Variants in FNBP1L observed in about 807,000 individuals in gnomAD.
FNBP1L encodes the protein formin-binding protein 1-like.
Under a neutral mutation model 91.2 loss-of-function variants are expected in FNBP1L, and 36 were observed. The ratio of observed to expected loss-of-function variants is 0.39; its 90% confidence interval spans 0.30 to 0.52. The LOEUF (loss-of-function observed/expected upper bound fraction) is 0.52, where lower values mean the gene tolerates loss of function less well. Ranked by LOEUF, FNBP1L falls within the 20% of genes least tolerant of loss-of-function variation. The pLI, the probability that FNBP1L is intolerant of heterozygous loss-of-function variation, is 0.66. For synonymous variants in FNBP1L, 242 were observed against 237.0 expected (o/e 1.02, Z -0.19); for missense variants, 571 against 732.1 (o/e 0.78, Z 2.54).
chr1:93,494,596 G>A (rs1361293421), intron 1 of FNBP1L, among the ~76,000 whole-genome samples: 1 of 152,144 alleles, frequency 6.6e-6, no homozygotes, highest in Admixed American at 6.5e-5. Context: ...TTGAAAGGGG[G>A]TTATTATGAA....
chr1:93,451,647 A>G (rs1668498334), intron 1 of FNBP1L, among the ~76,000 whole-genome samples: 1 of 152,034 alleles, frequency 6.6e-6, no homozygotes, highest in Non-Finnish European at 1.5e-5. Context: ...TTTTCATCAT[A>G]TTATTTATAT....
At chr1:93,529,912 C>T (rs996391361) in intron 6 of FNBP1L, among the ~76,000 whole-genome samples, 156 bp downstream of exon 6, 15 of 152,012 alleles carry the variant, frequency 9.9e-5, no homozygotes, top group East Asian at 3.8e-4. Context: ...TTAAATTATA[C>T]GTATTGGTCT....
intron 2 of FNBP1L, among the ~76,000 whole-genome samples, chr1:93,511,290 G>A (rs1670831060): frequency 6.6e-6 from 1 of 152,134 alleles, no homozygotes; most frequent in African/African-American, 2.4e-5. Flanking sequence ...AAGAGAGTGG[G>A]GGACAATATT....
At chr1:93,531,892 A>G (rs952937137) in intron 7 of FNBP1L, among the ~76,000 whole-genome samples, 4 of 152,156 alleles carry the variant, frequency 2.6e-5, no homozygotes, top group African/African-American at 9.7e-5. Context: ...ATGAAACAGC[A>G]AGGTCAGTGC....
intron 1 of FNBP1L, among the ~76,000 whole-genome samples, chr1:93,451,907 C>G (rs1244907777): frequency 3.3e-5 from 5 of 152,200 alleles, no homozygotes; most frequent in Non-Finnish European, 7.3e-5. Flanking sequence ...GCCTCGGCCT[C>G]TCAAAGTGCT....
chr1:93,449,804 T>C (rs1668424817), intron 1 of FNBP1L, among the ~76,000 whole-genome samples: 1 of 152,230 alleles, frequency 6.6e-6, no homozygotes, highest in Non-Finnish European at 1.5e-5. Flanking sequence ...TCAGGCATTA[T>C]TGGCCTTTTT....
Position 93,497,969 on chromosome 1 carries a change from T to TAA in FNBP1L, c.25-1489_25-1488dup, listed in dbSNP as rs34548312. ...AAAGGCTTTTGTTTGTCAAATATGT[T>TAA]AAAAAAAAAAACTGTTTAAAAATAA... On this transcript the variant is annotated intron_variant, in intron 1 of 16. Transcript: ENST00000271234. 1.3e-3 allele frequency among the ~76,000 whole-genome samples: 188 copies of TAA among 149,318 alleles called. 1 individual carries two copies. The highest frequency in any genetic ancestry group is 7.8e-3 in the South Asian group (37 of 4,758).
At chr1:93,475,257 A>G (rs774454712) in intron 1 of FNBP1L, among the ~76,000 whole-genome samples, 3 of 152,064 alleles carry the variant, frequency 2.0e-5, no homozygotes, top group Non-Finnish European at 2.9e-5. Flanking sequence ...AAAAAATTTT[A>G]TTATTTAAAA....
At chr1:93,470,077 T>C (rs1232157444) in intron 1 of FNBP1L, among the ~76,000 whole-genome samples, 1 of 152,224 alleles carries the variant, frequency 6.6e-6, no homozygotes, top group Non-Finnish European at 1.5e-5. Context: ...TGTTTGGTTT[T>C]GGCATTAATT....
chr1:93,549,500 T>C, intron 15 of FNBP1L, 74 bp downstream of exon 15: 1 of 1,137,132 alleles, frequency 8.8e-7, no homozygotes, highest in Non-Finnish European at 1.2e-6. Context: ...TCACTCACTG[T>C]AGTATCCTTA....
intron 1 of FNBP1L, among the ~76,000 whole-genome samples, chr1:93,449,035 T>C (rs1198013644): frequency 6.6e-6 from 1 of 152,240 alleles, no homozygotes; most frequent in Non-Finnish European, 1.5e-5. Flanking sequence ...ATGAGGAAGC[T>C]AATTTTACCA....
At chr1:93,497,250 G>C (rs1451683865) in intron 1 of FNBP1L, among the ~76,000 whole-genome samples, 6 of 152,260 alleles carry the variant, frequency 3.9e-5, no homozygotes, top group Middle Eastern at 3.4e-3. Flanking sequence ...GCGTGAGCCA[G>C]TGCACCTGGC....
At chr1:93,525,289 TACTTCC>T (rs988163448) in intron 5 of FNBP1L, among the ~76,000 whole-genome samples, 10 of 152,108 alleles carry the variant, frequency 6.6e-5, no homozygotes, top group Non-Finnish European at 1.3e-4. Context: ...CTCATGTATA[TACTTCC>T]ATTGCTTTCA....
rs1672331298 is a variant in FNBP1L, at chr1:93,549,294, A to G, written c.1519A>G (p.Thr507Ala). Residue 507 changes from threonine to alanine, a missense_variant, in exon 15 of 17, where the codon ACT becomes GCT. Transcript: ENST00000271234. ...GTTTTATAGTCCTGAGGGAAGTTAC[A>G]CTGATGATGCAAACCAGGAAGTCCG... Reference protein sequence around the residue: ...QGRESPEGSYTDDANQEVRGP... With the variant: ...QGRESPEGSYADDANQEVRGP... 4 of 1,610,754 alleles carry G rather than the reference A, an allele frequency of 2.5e-6. No individual in the cohort carries two copies. The highest frequency in any genetic ancestry group is 3.4e-6 in the Non-Finnish European group (4 of 1,178,754).
At chr1:93,514,864 A>G (rs1014756163) in intron 2 of FNBP1L, among the ~76,000 whole-genome samples, 2 of 152,192 alleles carry the variant, frequency 1.3e-5, no homozygotes, top group Non-Finnish European at 2.9e-5. Flanking sequence ...ATGGGCAAGG[A>G]CTTCATGTCT....
chr1:93,504,507 C>T (rs113617691), intron 2 of FNBP1L, among the ~76,000 whole-genome samples: 2 of 152,302 alleles, frequency 1.3e-5, no homozygotes, highest in African/African-American at 4.8e-5. Context: ...AGCGTGAAAA[C>T]GAACTAATAC....
intron 1 of FNBP1L, among the ~76,000 whole-genome samples, chr1:93,489,759 A>G (rs953406964): frequency 6.6e-5 from 10 of 152,220 alleles, no homozygotes; most frequent in Admixed American, 2.6e-4. Flanking sequence ...AAATTCTACA[A>G]TATTTCTCAA....
intron 1 of FNBP1L, chr1:93,488,479 A>G (rs962483464): frequency 6.6e-6 from 1 of 152,148 alleles, no homozygotes; most frequent in Non-Finnish European, 1.5e-5. Flanking sequence ...ATCAACATGG[A>G]AACTCCAGTG....
chr1:93,523,461 T>A lies in FNBP1L; in HGVS notation c.312T>A (p.Tyr104Ter). 6.2e-7 allele frequency: 1 copy of A among 1,609,020 alleles called. No homozygotes were observed. The highest frequency in any genetic ancestry group is 8.5e-7 in the Non-Finnish European group (1 of 1,177,662). Residue 104 changes from tyrosine to a stop codon, truncating the protein, a stop_gained, in exon 4 of 17, where the codon TAT (tyrosine) becomes TAA (stop). Transcript: ENST00000271234. LOFTEE classifies it high-confidence loss of function. ...AHRVYGELMR[Y>*]AHDLKTERKM... The stretch of plus-strand genomic sequence containing the variant: ...GAGTGTATGGTGAATTAATGAGATA[T>A]GCTCATGATCTGAAAACTGAAAGAA...
Sources: gnomAD v4.1 joint callset for allele counts (sites outside exome capture counted in the v4.1 genomes callset) on GRCh38, gnomAD v4.1.1 for gene constraint, MANE v1.5 for transcripts, NCBI Gene and HGNC (gene_info 2026-07-23, HGNC 2026-07-21) for gene names.